Variants in CRADD observed in about 807,000 individuals in gnomAD.
CRADD encodes CARD and death domain containing adaptor protein.
In CRADD, 9 loss-of-function variants were observed where a neutral mutation model predicts 15.5. The observed-to-expected ratio is 0.58, with a 90% CI of 0.35 to 1.01. CRADD has a LOEUF of 1.01. Ranked by LOEUF, CRADD falls within the 50% of genes least tolerant of loss-of-function variation. CRADD has a pLI of 0.02. For synonymous variants in CRADD, 118 were observed against 107.6 expected (o/e 1.10, Z -0.60); for missense variants, 227 against 250.3 (o/e 0.91, Z 0.63).
At chr12:93,828,502 C>T (rs1258427974) in intron 2 of CRADD, among the ~76,000 whole-genome samples, 2 of 152,122 alleles carry the variant, frequency 1.3e-5, no homozygotes, top group Admixed American at 1.3e-4. Context: ...TGGGGTATGC[C>T]TTAAATTCTT....
intron 2 of CRADD, among the ~76,000 whole-genome samples, chr12:93,760,914 C>T (rs993496179): frequency 2.6e-5 from 4 of 151,776 alleles, no homozygotes; most frequent in Non-Finnish European, 4.4e-5. Context: ...TGAGCCAAAA[C>T]CTAAGTGATG....
chr12:93,815,863 C>T (rs1417701836), intron 2 of CRADD: 1 of 152,198 alleles, frequency 6.6e-6, no homozygotes, highest in Non-Finnish European at 1.5e-5. Flanking sequence ...CCTTTCTTTT[C>T]CAGGATTACA....
chr12:93,768,246 A>G (rs1957046098), intron 2 of CRADD, among the ~76,000 whole-genome samples: 1 of 152,270 alleles, frequency 6.6e-6, no homozygotes, highest in African/African-American at 2.4e-5. Context: ...TCTAGAATTC[A>G]GAGTAGGTGG....
chr12:93,829,943 C>A (rs760744382), intron 2 of CRADD, among the ~76,000 whole-genome samples: 1 of 152,090 alleles, frequency 6.6e-6, no homozygotes, highest in East Asian at 1.9e-4. Context: ...CCGCCCACCT[C>A]GGCCTCCCAA....
intron 2 of CRADD, among the ~76,000 whole-genome samples, chr12:93,797,536 G>A (rs1957432639): frequency 6.6e-6 from 1 of 152,082 alleles, no homozygotes; most frequent in Non-Finnish European, 1.5e-5. Flanking sequence ...TATAGAGTTG[G>A]TGGCAGTTTG....
At chr12:93,748,829 T>C (rs539106916) in intron 2 of CRADD, among the ~76,000 whole-genome samples, 1 of 152,322 alleles carries the variant, frequency 6.6e-6, no homozygotes, top group East Asian at 1.9e-4. Context: ...AACAGGTATC[T>C]TTGGGGCTTA....
intron 2 of CRADD, among the ~76,000 whole-genome samples, chr12:93,714,028 C>G (rs917295173): frequency 6.6e-6 from 1 of 152,100 alleles, no homozygotes; most frequent in Non-Finnish European, 1.5e-5. Flanking sequence ...TTGGATGGCT[C>G]TCATTCGTAA....
chr12:93,858,908 C>G (rs1158475677), intron 2 of CRADD, among the ~76,000 whole-genome samples: 1 of 152,246 alleles, frequency 6.6e-6, no homozygotes, highest in African/African-American at 2.4e-5. Flanking sequence ...CAGTCTATTT[C>G]CATTAGATCA....
chr12:93,795,852 A>G (rs1957409229), intron 2 of CRADD, among the ~76,000 whole-genome samples: 1 of 152,234 alleles, frequency 6.6e-6, no homozygotes, highest in Non-Finnish European at 1.5e-5. Flanking sequence ...TAAAATAGCT[A>G]GAACAAGGGC....
chr12:93,712,489 A>G (rs894795934), intron 2 of CRADD, among the ~76,000 whole-genome samples: 2 of 152,172 alleles, frequency 1.3e-5, no homozygotes, highest in African/African-American at 4.8e-5. Flanking sequence ...TTTATTTTGA[A>G]CAGGCCAGAA....
At chr12:93,833,628 T>A (rs1957935661) in intron 2 of CRADD, among the ~76,000 whole-genome samples, 1 of 152,244 alleles carries the variant, frequency 6.6e-6, no homozygotes, top group African/African-American at 2.4e-5. Context: ...CATGAGCCAC[T>A]GCCTCAGCTA....
intron 2 of CRADD, among the ~76,000 whole-genome samples, chr12:93,774,911 T>G (rs747780477): frequency 1.8e-4 from 28 of 151,744 alleles, no homozygotes; most frequent in Admixed American, 3.3e-4. Context: ...GCTGCTAGGG[T>G]GGGGAGGGAG....
At chr12:93,731,689 G>T (rs928355652) in intron 2 of CRADD, among the ~76,000 whole-genome samples, 2 of 152,186 alleles carry the variant, frequency 1.3e-5, no homozygotes, top group African/African-American at 4.8e-5. Flanking sequence ...AGCTATGTTT[G>T]CTTAACAAAT....
chr12:93,687,452 T>C (rs552743236), intron 2 of CRADD, among the ~76,000 whole-genome samples: 1 of 152,286 alleles, frequency 6.6e-6, no homozygotes, highest in Non-Finnish European at 1.5e-5. Flanking sequence ...TCCAGGTGAA[T>C]CCATTACACA....
chr12:93,852,862 T>TGC (rs2137052847), downstream of CRADD, among the ~76,000 whole-genome samples: 1 of 151,470 alleles, frequency 6.6e-6, no homozygotes, highest in Admixed American at 6.6e-5. Flanking sequence ...TGTGTGTGTG[T>TGC]GTGCATATGC....
intron 2 of CRADD, among the ~76,000 whole-genome samples, chr12:93,757,817 A>G (rs936352148): frequency 6.6e-6 from 1 of 152,050 alleles, no homozygotes; most frequent in Non-Finnish European, 1.5e-5. Flanking sequence ...TAGATAGTTT[A>G]AAAAAATTCC....
At chr12:93,788,742 C>T (rs956309826) in intron 2 of CRADD, among the ~76,000 whole-genome samples, 10 of 152,140 alleles carry the variant, frequency 6.6e-5, no homozygotes, top group South Asian at 2.1e-4. Flanking sequence ...CCAGCTCTGC[C>T]TCTCTTTAGC....
At chr12:93,788,617 A>G (rs911752179) in intron 2 of CRADD, among the ~76,000 whole-genome samples, 1 of 152,164 alleles carries the variant, frequency 6.6e-6, no homozygotes, top group Admixed American at 6.5e-5. Context: ...TTGATTTTAA[A>G]GGGAGGGTGT....
In CRADD at chr12:93,892,164, C is replaced by T. The variant is rs148346560; in HGVS notation, c.299-1886C>T. ...GGCTTCTTTGCTCACGCTGCTTTAC[C>T]GAGCTCCTTCAAGGAGGCCCTGCAA... On this transcript the variant is annotated intron_variant, in intron 2 of 2. Transcript: ENST00000548483. Among the ~76,000 whole-genome samples, 213 of 152,214 alleles carry T rather than the reference C, an allele frequency of 1.4e-3. 1 individual carries two copies. The highest frequency in any genetic ancestry group is 4.9e-3 in the African/African-American group (204 of 41,556).
Sources: allele counts gnomAD v4.1 joint callset (sites outside exome capture counted in the v4.1 genomes callset), GRCh38; gene constraint gnomAD v4.1.1; transcripts MANE v1.5; gene names NCBI Gene and HGNC (gene_info 2026-07-23, HGNC 2026-07-21).